The following MCF2L2 variants were observed in gnomAD, a reference collection of about 807,000 sequenced individuals.
The protein encoded by MCF2L2 is probable guanine nucleotide exchange factor MCF2L2.
Under a neutral mutation model 150.2 loss-of-function variants are expected in MCF2L2, and 102 were observed. That is an observed-to-expected ratio of 0.68 (90% CI 0.58 to 0.80). The LOEUF (loss-of-function observed/expected upper bound fraction) is 0.80. MCF2L2 is among the 30% of genes least tolerant of loss of function. The pLI, the probability that MCF2L2 is intolerant of heterozygous loss-of-function variation, is 0.00. For synonymous variants in MCF2L2, 465 were observed against 491.3 expected, an observed-to-expected ratio of 0.95 and a Z score of 0.71; for missense variants, 1,256 against 1,372.8, an observed-to-expected ratio of 0.91 and a Z score of 1.34.
chr3:183,281,891 GTCTT>G (rs1158456991), intron 14 of MCF2L2, among the ~76,000 whole-genome samples: 2 of 139,270 alleles, frequency 1.4e-5, no homozygotes, highest in Admixed American at 7.1e-5. Flanking sequence ...TTTTCACAGG[GTCTT>G]TTTTTTTTTT....
At chr3:183,234,707 T>TTTTTTA (rs774291171) in intron 15 of MCF2L2, among the ~76,000 whole-genome samples, 1,355 of 113,712 alleles carry the variant, frequency 0.012, 21 homozygotes, top group African/African-American at 0.016. Context: ...TTTTTTTTTT[T>TTTTTTA]TTATTATACT....
intron 10 of MCF2L2, among the ~76,000 whole-genome samples, chr3:183,302,561 T>A (rs932822772): frequency 1.3e-5 from 2 of 152,036 alleles, no homozygotes; most frequent in African/African-American, 2.4e-5. Flanking sequence ...AGGATCTCGA[T>A]CATGTTTTTG....
rs1012648759 is a variant in MCF2L2 at position 183,267,308 on chromosome 3, C to T, written c.1862+9564G>A. Reference sequence around the variant, plus strand: ...AAAGTGTGCCCTATACTGATTATCTCTGGACAAAGTCTGAATGGGGCTTGG... The same window carrying T: ...AAAGTGTGCCCTATACTGATTATCTTTGGACAAAGTCTGAATGGGGCTTGG... On this transcript the variant is annotated intron_variant, in intron 15 of 29. Coordinates refer to ENST00000328913, the MANE Select transcript of MCF2L2 (RefSeq NM_015078.4). This position sits in a 1 kb window ranked among gnomAD's most constrained non-coding sequence, Gnocchi z 5.5. Among the ~76,000 whole-genome samples the T allele has an allele frequency of 5.3e-5, 8 of 152,226 alleles. No homozygotes were observed. Among genetic ancestry groups the T allele is most frequent in the African/African-American group, 1.9e-4 (8 of 41,454 alleles).
intron 15 of MCF2L2, among the ~76,000 whole-genome samples, chr3:183,268,752 C>T (rs1237035890): frequency 1.3e-5 from 2 of 152,142 alleles, no homozygotes; most frequent in Non-Finnish European, 2.9e-5. Flanking sequence ...CAAATTTCTG[C>T]GCATGATATG....
At chr3:183,351,190 GTATATA>G (rs60311053) in intron 3 of MCF2L2, among the ~76,000 whole-genome samples, 1,393 of 38,654 alleles carry the variant, frequency 0.036, 32 homozygotes, top group African/African-American at 0.041. Flanking sequence ...ATTTTCTTAA[GTATATA>G]TATATATATA....
chr3:183,288,396 A>G (rs1727913182), intron 14 of MCF2L2, among the ~76,000 whole-genome samples: 1 of 152,056 alleles, frequency 6.6e-6, no homozygotes, highest in African/African-American at 2.4e-5. Context: ...GGCACAATCC[A>G]CAGAGCCTAT....
In MCF2L2 at chr3:183,428,445, C is replaced by T. The variant is rs1353883023; in HGVS notation, c.-468G>A. 6.3e-6 allele frequency: 1 copy of T among 157,482 alleles called. No homozygotes were observed. The highest frequency in any genetic ancestry group is 1.4e-5 in the Non-Finnish European group (1 of 72,138). The allele number at this position is 157,482 out of a possible 1,614,324, so 9.8% of individuals were successfully genotyped here. On this transcript the variant is annotated 5_prime_UTR_variant, in exon 1 of 30. Coordinates refer to ENST00000328913, the MANE Select transcript of MCF2L2 (RefSeq NM_015078.4). The surrounding 1 kb of genome is among the most constrained non-coding windows in gnomAD (Gnocchi z 5.1). ...GCCGGCCCCACGCCCCAGCGCCCAC[C>T]TCGTCCAGCCCACGGGTGGCGCCCG...
intron 1 of MCF2L2, among the ~76,000 whole-genome samples, chr3:183,391,563 T>C (rs1282253679): frequency 6.6e-6 from 1 of 152,188 alleles, no homozygotes; most frequent in Non-Finnish European, 1.5e-5. Flanking sequence ...GTCTGAGATT[T>C]GCTGACAAAT....
chr3:183,339,518 T>A (rs932315577), intron 4 of MCF2L2, among the ~76,000 whole-genome samples: 2 of 152,222 alleles, frequency 1.3e-5, no homozygotes, highest in Non-Finnish European at 2.9e-5. Context: ...TTTATCCACA[T>A]CTTGGAATAT....
chr3:183,353,288 A>G (rs1405388202), intron 3 of MCF2L2, among the ~76,000 whole-genome samples: 1 of 152,186 alleles, frequency 6.6e-6, no homozygotes, highest in South Asian at 2.1e-4. Flanking sequence ...CTTCCGCTTT[A>G]CAGAAGGAAG....
intron 3 of MCF2L2, among the ~76,000 whole-genome samples, chr3:183,342,531 T>C (rs1730742122): frequency 6.6e-6 from 1 of 152,106 alleles, no homozygotes; most frequent in Non-Finnish European, 1.5e-5. Context: ...GAGGGGTAGT[T>C]ACTTAACCCC....
intron 15 of MCF2L2, among the ~76,000 whole-genome samples, chr3:183,238,617 C>A (rs1307647494): frequency 1.3e-5 from 2 of 150,596 alleles, no homozygotes; most frequent in African/African-American, 4.9e-5. Context: ...TTATGTGTGG[C>A]CCAAGACAAT....
chr3:183,276,778 G>A lies in MCF2L2; in HGVS notation c.1862+94C>T, dbSNP rs1577015191. The A allele has an allele frequency of 5.0e-6, 4 of 805,134 alleles. No individual in the cohort carries two copies. In the African/African-American group the frequency reaches 5.3e-5, roughly 11 times the overall value. 49.9% of individuals were successfully genotyped at this position (805,134 alleles called of 1,614,324 possible). On this transcript the variant is annotated intron_variant, in intron 15 of 29. Coordinates refer to ENST00000328913, the MANE Select transcript of MCF2L2 (RefSeq NM_015078.4). ...AGGATAAATATTATGATTCTTATCT[G>A]GGAAAGACAGGTGCTGAGGTGTAAA...
At chr3:183,406,293 T>C (rs1056613196) in intron 1 of MCF2L2, among the ~76,000 whole-genome samples, 3 of 152,212 alleles carry the variant, frequency 2.0e-5, no homozygotes, top group African/African-American at 4.8e-5. Flanking sequence ...GGTACACAAT[T>C]TCACTGATGA....
At position 183,269,230 on chromosome 3, in the gene MCF2L2, C is replaced by CTTTTTTT. The variant is rs60835895; in HGVS notation, c.1862+7635_1862+7641dup. On this transcript the variant is annotated intron_variant, in intron 15 of 29. Coordinates refer to ENST00000328913, the MANE Select transcript of MCF2L2 (RefSeq NM_015078.4). ...TACACGATTATAGCCGTTTGGGAAG[C>CTTTTTTT]TTTTTTTTTTTTTTTTTTAAGAGTA... Among the ~76,000 whole-genome samples the CTTTTTTT allele has an allele frequency of 2.6e-4, 21 of 80,992 alleles. 3 individuals are homozygous for CTTTTTTT. Among genetic ancestry groups the CTTTTTTT allele is most frequent in the African/African-American group, 1.1e-3 (18 of 15,754 alleles). The allele number at this position is 80,992 out of a possible 152,430, so 53.1% of individuals were successfully genotyped here.
In MCF2L2 at chr3:183,230,977, T is replaced by C. The variant is rs773712843; in HGVS notation, c.1903A>G (p.Ile635Val). The C allele has an allele frequency of 1.9e-6, 3 of 1,613,862 alleles. No homozygotes were observed. In the African/African-American group the frequency reaches 4.0e-5, roughly 22 times the overall value. ...RDLLETEEIY[I>V]KEIKSIIDGY... The stretch of plus-strand genomic sequence containing the variant: ...TCAATTATGCTTTTAATCTCTTTTA[T>C]GTAAATCTCTTCAGTCTCAAGCAAG... Residue 635 changes from isoleucine to valine, a missense_variant, in exon 16 of 30, where the codon ATA becomes GTA. Coordinates refer to ENST00000328913, the MANE Select transcript of MCF2L2 (RefSeq NM_015078.4).
At position 183,269,230 on chromosome 3, in the gene MCF2L2, C is replaced by CTTTTTTTTT. The variant is rs60835895; in HGVS notation, c.1862+7633_1862+7641dup. On this transcript the variant is annotated intron_variant, in intron 15 of 29. Transcript: ENST00000328913. ...TACACGATTATAGCCGTTTGGGAAGCTTTTTTTTTTTTTTTTTTAAGAGTA... is the reference window on the plus strand; with the variant it reads ...TACACGATTATAGCCGTTTGGGAAGCTTTTTTTTTTTTTTTTTTTTTTTTTTTAAGAGTA... Among the ~76,000 whole-genome samples the CTTTTTTTTT allele has an allele frequency of 2.2e-4, 18 of 81,000 alleles. 3 individuals carry two copies. Among genetic ancestry groups the CTTTTTTTTT allele is most frequent in the African/African-American group, 8.9e-4 (14 of 15,756 alleles). The allele number at this position is 81,000 out of a possible 152,430, so 53.1% of individuals were successfully genotyped here.
At chr3:183,228,082 TAA>T (rs1723414841) in intron 18 of MCF2L2, 1 of 460,582 alleles carries the variant, frequency 2.2e-6, no homozygotes, top group African/African-American at 2.0e-5. Flanking sequence ...TTGATTGCAG[TAA>T]TCATTTCACA....
intron 14 of MCF2L2, among the ~76,000 whole-genome samples, chr3:183,278,283 T>TTGTGTG (rs144622953): frequency 7.9e-5 from 11 of 138,470 alleles, no homozygotes; most frequent in Non-Finnish European, 1.1e-4. Context: ...AATGAAAAAA[T>TTGTGTG]TGTGTGTGTG....
Sources: gnomAD v4.1 joint callset for allele counts (sites outside exome capture counted in the v4.1 genomes callset) on GRCh38, gnomAD v4.1.1 for gene constraint, Gnocchi (gnomAD v3.1) non-coding constraint, MANE v1.5 for transcripts, NCBI Gene and HGNC (gene_info 2026-07-23, HGNC 2026-07-21) for gene names.